Variants in LAMA2 observed in about 807,000 individuals in gnomAD.
The protein encoded by LAMA2 is laminin subunit alpha-2.
Under a neutral mutation model 364.8 loss-of-function variants are expected in LAMA2, and 269 were observed. That is an observed-to-expected ratio of 0.74 (90% confidence interval 0.67 to 0.82). LAMA2 has a LOEUF of 0.82. LAMA2 is among the 40% of genes least tolerant of loss of function. The pLI, the probability that LAMA2 is intolerant of heterozygous loss-of-function variation, is 0.00. For synonymous variants in LAMA2, 1,379 were observed against 1,370.6 expected (o/e 1.01, Z -0.14); for missense variants, 3,807 against 3,873.2 (o/e 0.98, Z 0.45).
At chr6:129,485,075 C>T (rs563858676) in intron 55 of LAMA2, among the ~76,000 whole-genome samples, 4 of 152,136 alleles carry the variant, frequency 2.6e-5, no homozygotes, top group South Asian at 2.1e-4. Flanking sequence ...CAAATGCCCT[C>T]GTCAATTTTT....
intron 1 of LAMA2, among the ~76,000 whole-genome samples, chr6:128,958,194 A>G (rs1381450838): frequency 6.6e-6 from 1 of 152,154 alleles, no homozygotes; most frequent in South Asian, 2.1e-4. Context: ...ACAATTATTT[A>G]TGAATTTTGG....
intron 3 of LAMA2, among the ~76,000 whole-genome samples, chr6:129,063,844 A>C (rs1789102105): frequency 6.6e-6 from 1 of 152,204 alleles, no homozygotes; most frequent in Non-Finnish European, 1.5e-5. Flanking sequence ...ATTTCTATGC[A>C]AATATTACTA....
At chr6:128,957,472 A>G (rs144375040) in intron 1 of LAMA2, among the ~76,000 whole-genome samples, 12 of 152,042 alleles carry the variant, frequency 7.9e-5, no homozygotes, top group Admixed American at 1.3e-4. Context: ...TCCAGGCTGA[A>G]ATAGTTATCT....
At chr6:129,005,402 A>C (rs553636084) in intron 1 of LAMA2, among the ~76,000 whole-genome samples, 1 of 151,996 alleles carries the variant, frequency 6.6e-6, no homozygotes, top group Non-Finnish European at 1.5e-5. Context: ...AATTTTAATA[A>C]ATGATTTACT....
chr6:129,465,285 A>G lies in LAMA2; in HGVS notation c.7296A>G (p.Lys2432=), dbSNP rs1562589465. 5 of 1,610,406 alleles carry G rather than the reference A, an allele frequency of 3.1e-6. No individual in the cohort carries two copies. In the Middle Eastern group the frequency reaches 5.0e-4, roughly 160 times the overall value. Residue 2432 remains lysine, a synonymous_variant, in exon 51 of 65, where the codon AAA becomes AAG. Coordinates refer to ENST00000421865, the MANE Select transcript of LAMA2 (RefSeq NM_000426.4). Reference sequence around the variant, plus strand: ...CATTCACTCTGTCAAGAATTCAAAAACAAGGTGAGTTTTTACAGTAATAAT... The same window carrying G: ...CATTCACTCTGTCAAGAATTCAAAAGCAAGGTGAGTTTTTACAGTAATAAT... The part of the protein sequence containing the change: ...WKSFTLSRIQ[K]QANISIVDID...
Position 129,331,840 on chromosome 6 carries a change from G to T in LAMA2, c.4311+3428G>T, listed in dbSNP as rs191420129. Among the ~76,000 whole-genome samples, 166 of 152,078 alleles carry T rather than the reference G, an allele frequency of 1.1e-3. 1 individual carries two copies. The highest frequency in any genetic ancestry group is 3.7e-3 in the African/African-American group (154 of 41,484). On this transcript the variant is annotated intron_variant, in intron 29 of 64. Transcript: ENST00000421865. ...CTCCTCTTCTATACTGGATTCAATGGCTAATCTACAGCCACCAGTGTTCAC... is the reference window on the plus strand; with the variant it reads ...CTCCTCTTCTATACTGGATTCAATGTCTAATCTACAGCCACCAGTGTTCAC...
chr6:129,504,797 C>T (rs1399074873), intron 60 of LAMA2, among the ~76,000 whole-genome samples: 2 of 152,168 alleles, frequency 1.3e-5, no homozygotes, highest in African/African-American at 2.4e-5. Flanking sequence ...TGTTGGGAGC[C>T]CAGGCTCTTT....
At chr6:129,349,183 T>C in intron 30 of LAMA2, 115 bp from the exon 31 acceptor site, 1 of 754,482 alleles carries the variant, frequency 1.3e-6, no homozygotes. Context: ...ATTATAAAGA[T>C]GGCATTTATT....
intron 12 of LAMA2, among the ~76,000 whole-genome samples, chr6:129,225,267 A>T (rs1784170210): frequency 2.0e-5 from 3 of 152,068 alleles, no homozygotes; most frequent in Admixed American, 1.3e-4. Flanking sequence ...AATTTTGTTG[A>T]TCTTTTCAAA....
intron 35 of LAMA2, among the ~76,000 whole-genome samples, chr6:129,388,093 AC>A (rs1779114981): frequency 2.0e-5 from 3 of 151,270 alleles, no homozygotes. Flanking sequence ...CCCCATCTCT[AC>A]TAAAAATACA....
At chr6:129,196,988 C>T (rs535097622) in intron 12 of LAMA2, among the ~76,000 whole-genome samples, 1 of 152,090 alleles carries the variant, frequency 6.6e-6, no homozygotes, top group East Asian at 1.9e-4. Context: ...CCTCATTATA[C>T]CCTGCTCCCT....
intron 20 of LAMA2, among the ~76,000 whole-genome samples, chr6:129,292,517 C>T (rs1789778318): frequency 6.6e-6 from 1 of 152,152 alleles, no homozygotes; most frequent in Non-Finnish European, 1.5e-5. Flanking sequence ...ACAAAATATT[C>T]AATTAAAATA....
intron 12 of LAMA2, among the ~76,000 whole-genome samples, chr6:129,199,469 A>AC (rs1477847311): frequency 2.0e-5 from 3 of 152,176 alleles, no homozygotes; most frequent in Non-Finnish European, 4.4e-5. Flanking sequence ...CTCCCACTTA[A>AC]CATTGTGCTA....
rs1443007109 is a variant in LAMA2 at position 129,353,152 on chromosome 6, G to A, written c.4524-12G>A. 2 of 1,607,922 alleles carry A rather than the reference G, an allele frequency of 1.2e-6. No homozygotes were observed. Among genetic ancestry groups the A allele is most frequent in the South Asian group, 1.1e-5 (1 of 90,860 alleles). On this transcript the variant is annotated splice_polypyrimidine_tract_variant and intron_variant, in intron 31 of 64. Transcript: ENST00000421865. ...TATTAACCTCTTTTGCTTTGTCACT[G>A]TTTCAATTCAGGTGTGCCCCTGGCT...
chr6:129,158,321 T>C, intron 8 of LAMA2: 1 of 1,614,078 alleles, frequency 6.2e-7, no homozygotes, highest in Middle Eastern at 1.7e-4. Context: ...AGCTGGCTTC[T>C]TCAGTGGTAA....
At position 129,440,799 on chromosome 6, in the gene LAMA2, C is replaced by T; in HGVS notation, c.6086-17C>T. 1 of 1,612,396 alleles carries T rather than the reference C, an allele frequency of 6.2e-7. No homozygotes were observed. Among genetic ancestry groups the T allele is most frequent in the Non-Finnish European group, 8.5e-7 (1 of 1,178,624 alleles). On this transcript the variant is annotated splice_polypyrimidine_tract_variant and intron_variant, in intron 42 of 64. Coordinates refer to ENST00000421865, the MANE Select transcript of LAMA2 (RefSeq NM_000426.4). ...CACACCCTTTGTTTTGTTTTTCATA[C>T]CCTCATCTGCTGACAGATACAGCTG... is the stretch of plus-strand genomic sequence containing the variant.
rs761532256 is a variant in LAMA2 at position 129,512,512 on chromosome 6, A to G, written c.8988+19A>G. 2 of 1,612,474 alleles carry G rather than the reference A, an allele frequency of 1.2e-6. No homozygotes were observed. Among genetic ancestry groups the G allele is most frequent in the East Asian group, 2.2e-5 (1 of 44,820 alleles). ...TGAAAAGGTGAGTGTCAGCAATGCAAACATTTCTGATTTCTTCATGATATT... is the reference window on the plus strand; with the variant it reads ...TGAAAAGGTGAGTGTCAGCAATGCAGACATTTCTGATTTCTTCATGATATT... On this transcript the variant is annotated intron_variant, in intron 63 of 64. Coordinates refer to ENST00000421865, the MANE Select transcript of LAMA2 (RefSeq NM_000426.4).
At chr6:129,004,547 G>A (rs1021279834) in intron 1 of LAMA2, among the ~76,000 whole-genome samples, 1 of 152,110 alleles carries the variant, frequency 6.6e-6, no homozygotes, top group Middle Eastern at 3.4e-3. Flanking sequence ...CACAATACAG[G>A]GATAGTTTTT....
intron 1 of LAMA2, among the ~76,000 whole-genome samples, chr6:129,038,310 G>A (rs950396982): frequency 2.6e-5 from 4 of 152,100 alleles, no homozygotes; most frequent in African/African-American, 9.7e-5. Context: ...TTATAATCAA[G>A]TTATTCTATC....
Sources: gnomAD v4.1 joint callset for allele counts (sites outside exome capture counted in the v4.1 genomes callset) on GRCh38, gnomAD v4.1.1 for gene constraint, MANE v1.5 for transcripts, NCBI Gene and HGNC (gene_info 2026-07-23, HGNC 2026-07-21) for gene names.